CHD1L: variants seen among roughly 807,000 people sequenced by gnomAD.
CHD1L encodes the protein chromodomain helicase DNA binding protein 1 like, also known as ATP-dependent chromatin remodeler CHD1L.
A neutral mutation model predicts 115.9 loss-of-function variants in CHD1L; 118 were observed. The ratio of observed to expected loss-of-function variants is 1.02; its 90% CI spans 0.88 to 1.19. The LOEUF (loss-of-function observed/expected upper bound fraction) is 1.19, where lower values mean the gene tolerates loss of function less well. Among genes scored for constraint, CHD1L ranks in the 50% most tolerant of loss-of-function variants. The pLI, the probability that CHD1L is intolerant of heterozygous loss-of-function variation, is 0.00. For synonymous variants in CHD1L, 411 were observed against 387.1 expected (o/e 1.06, Z -0.72); for missense variants, 1,179 against 1,065.3 (o/e 1.11, Z -1.49).
intron 2 of CHD1L, among the ~76,000 whole-genome samples, chr1:147,253,549 G>A (rs1308954422): frequency 6.6e-6 from 1 of 152,348 alleles, no homozygotes; most frequent in African/African-American, 2.4e-5. Flanking sequence ...TGTCACCCAG[G>A]CTGGAATGCA....
At chr1:147,280,543 G>A (rs1373955571) in intron 15 of CHD1L, among the ~76,000 whole-genome samples, 5 of 152,156 alleles carry the variant, frequency 3.3e-5, no homozygotes, top group African/African-American at 9.7e-5. Flanking sequence ...TGCACATAGC[G>A]ATTCCTCTTC....
the CHD1L span, chr1:147,178,621 G>C: frequency 1.3e-6 from 2 of 1,596,240 alleles, no homozygotes; most frequent in Non-Finnish European, 1.7e-6. Flanking sequence ...AGCTCACTCC[G>C]AGTTCCTAAA....
the CHD1L span, among the ~76,000 whole-genome samples, chr1:147,214,117 T>A: frequency 2.6e-5 from 4 of 152,284 alleles, no homozygotes; most frequent in Middle Eastern, 3.4e-3. Flanking sequence ...CACTATGTGC[T>A]TCTACGGGCC....
At chr1:147,225,041 A>G in the CHD1L span, 12 of 1,613,972 alleles carry the variant, frequency 7.4e-6, no homozygotes, top group Non-Finnish European at 9.3e-6. Flanking sequence ...GTCTCCCGAG[A>G]TCTTCACCTG....
At chr1:147,249,730 C>T (rs191544867) in intron 1 of CHD1L, among the ~76,000 whole-genome samples, 1 of 152,276 alleles carries the variant, frequency 6.6e-6, no homozygotes. Context: ...GCGGTTTACT[C>T]AGTTTCTTGA....
intron 4 of CHD1L, among the ~76,000 whole-genome samples, chr1:147,256,311 TCTAAGAC>T (rs1215319392): frequency 6.6e-6 from 1 of 152,164 alleles, no homozygotes; most frequent in Non-Finnish European, 1.5e-5. Context: ...TGTTTTTCAG[TCTAAGAC>T]AGTGTGTGCC....
intron 20 of CHD1L, among the ~76,000 whole-genome samples, chr1:147,292,725 A>C (rs587599448): frequency 6.6e-6 from 1 of 152,302 alleles, no homozygotes; most frequent in East Asian, 1.9e-4. Flanking sequence ...GGAACAAGAG[A>C]GAGTGGGGGA....
the CHD1L span, among the ~76,000 whole-genome samples, chr1:147,221,972 A>T: frequency 6.6e-6 from 1 of 152,228 alleles, no homozygotes; most frequent in Non-Finnish European, 1.5e-5. Flanking sequence ...TGCATTTTAC[A>T]ATTTTCTACC....
intron 20 of CHD1L, 122 bp downstream of exon 20, chr1:147,291,674 A>C (rs1553970676): frequency 4.1e-6 from 3 of 738,696 alleles, no homozygotes; most frequent in Non-Finnish European, 7.2e-6. Flanking sequence ...GCCATAACAA[A>C]AAGACACAGA....
At chr1:147,204,208 G>C in the CHD1L span, 1 of 1,382,300 alleles carries the variant, frequency 7.2e-7, no homozygotes, top group Non-Finnish European at 1.0e-6. Context: ...AAGGACAAGA[G>C]TACACTGCTA....
chr1:147,266,249 T>C (rs1053011660), intron 8 of CHD1L, among the ~76,000 whole-genome samples, 162 bp downstream of exon 8: 1 of 152,206 alleles, frequency 6.6e-6, no homozygotes. Context: ...TGGCAGAGCA[T>C]CTTAAAGATA....
At chr1:147,201,076 T>A in the CHD1L span, 1 of 998,306 alleles carries the variant, frequency 1.0e-6, no homozygotes, top group East Asian at 2.4e-5. Flanking sequence ...TATCTCTAGC[T>A]ATTTAAAAAC....
the CHD1L span, among the ~76,000 whole-genome samples, chr1:147,199,374 G>A: frequency 6.6e-6 from 1 of 152,214 alleles, no homozygotes; most frequent in Non-Finnish European, 1.5e-5. Context: ...CCTGTTGGAA[G>A]TCTGGTAAAG....
chr1:147,288,322 C>CATTAAA (rs1452486110), intron 19 of CHD1L, among the ~76,000 whole-genome samples: 1,516 of 87,752 alleles, frequency 0.017, 74 homozygotes, highest in East Asian at 0.044. Context: ...GACCCTGTTT[C>CATTAAA]AATAAAAAAA....
the CHD1L span, among the ~76,000 whole-genome samples, chr1:147,220,693 T>C: frequency 1.3e-5 from 2 of 152,186 alleles, no homozygotes; most frequent in Non-Finnish European, 2.9e-5. Context: ...TAACGCATGT[T>C]GAGTTGATTT....
chr1:147,240,228 T>A (rs1664734487), upstream of CHD1L, among the ~76,000 whole-genome samples: 1 of 152,222 alleles, frequency 6.6e-6, no homozygotes, highest in East Asian at 1.9e-4. Context: ...TCTGTAACCC[T>A]ACCCCCAACC....
chr1:147,257,884 T>G (rs1258440883), intron 5 of CHD1L, among the ~76,000 whole-genome samples: 3 of 152,192 alleles, frequency 2.0e-5, no homozygotes, highest in Non-Finnish European at 4.4e-5. Flanking sequence ...GAGTTTTACA[T>G]TATTCAGCAG....
intron 21 of CHD1L, 77 bp downstream of exon 21, chr1:147,293,799 G>A: frequency 8.5e-7 from 1 of 1,182,714 alleles, no homozygotes; most frequent in Non-Finnish European, 1.2e-6. Context: ...AGGGAGGTAA[G>A]AAATGTCAAG....
At chr1:147,184,170 T>C in the CHD1L span, 1 of 167,614 alleles carries the variant, frequency 6.0e-6, no homozygotes, top group Non-Finnish European at 1.3e-5. The surrounding 1 kb of genome is among the most constrained non-coding windows in gnomAD (Gnocchi z 4.4). Flanking sequence ...CTGAGAAAAT[T>C]CTGCCAGACC....
Sources: allele counts gnomAD v4.1 joint callset (sites outside exome capture counted in the v4.1 genomes callset), GRCh38; gene constraint gnomAD v4.1.1; non-coding constraint Gnocchi (gnomAD v3.1); transcripts MANE v1.5; gene names NCBI Gene and HGNC (gene_info 2026-07-23, HGNC 2026-07-21).